The following MYT1L variants were observed in gnomAD, a reference collection of about 807,000 sequenced individuals.
The protein encoded by MYT1L is myelin transcription factor 1 like.
In MYT1L, 12 loss-of-function variants were observed where a neutral mutation model predicts 126.7. The observed-to-expected ratio is 0.09, with a 90% confidence interval of 0.06 to 0.15. The LOEUF is 0.15. MYT1L is among the 10% of genes least tolerant of loss of function. MYT1L has a pLI of 1.00. For missense variants in MYT1L, 979 were observed against 1,585.2 expected (o/e 0.62, Z 6.49); for synonymous variants, 541 against 604.2 (o/e 0.90, Z 1.53).
At chr2:1,971,484 A>T (rs2059804864) in intron 8 of MYT1L, among the ~76,000 whole-genome samples, 1 of 152,204 alleles carries the variant, frequency 6.6e-6, no homozygotes, top group South Asian at 2.1e-4. Context: ...TAATCCCAGC[A>T]CTTTGGGAGG....
Position 2,295,721 on chromosome 2 carries a change from GAGAT to G in MYT1L, c.-520-11222_-520-11219del, listed in dbSNP as rs1377162973. Among the ~76,000 whole-genome samples, 9 of 101,524 alleles carry G rather than the reference GAGAT, an allele frequency of 8.9e-5. No homozygotes were observed. The East Asian group carries it at 1.1e-3, about 12-fold the overall frequency. 66.6% of individuals were successfully genotyped at this position (101,524 alleles called of 152,430 possible). On this transcript the variant is annotated intron_variant, in intron 1 of 24. Transcript: ENST00000647738. ...AGAGAGAGACAGACAGACAGAGAGA[GAGAT>G]AGAGAGACAGACAGACAGAGAGAGA... is the stretch of plus-strand genomic sequence containing the variant.
chr2:2,255,912 C>T (rs979210691), intron 2 of MYT1L, among the ~76,000 whole-genome samples: 25 of 152,184 alleles, frequency 1.6e-4, no homozygotes, highest in Non-Finnish European at 3.5e-4. Flanking sequence ...GAACACCTTA[C>T]CCTTTACTGA....
At chr2:2,046,147 T>TC (rs1206764128) in intron 4 of MYT1L, among the ~76,000 whole-genome samples, 2 of 152,186 alleles carry the variant, frequency 1.3e-5, no homozygotes. Flanking sequence ...AAGCAATTTT[T>TC]CTCCCCCCAG....
At chr2:1,906,693 T>C (rs918312752) in intron 13 of MYT1L, among the ~76,000 whole-genome samples, 5 of 152,172 alleles carry the variant, frequency 3.3e-5, no homozygotes, top group Non-Finnish European at 7.4e-5. Context: ...AATAAAATCA[T>C]GTAATAATTG....
intron 20 of MYT1L, among the ~76,000 whole-genome samples, chr2:1,839,850 T>A (rs749535508): frequency 6.6e-6 from 1 of 152,204 alleles, no homozygotes; most frequent in Non-Finnish European, 1.5e-5. Flanking sequence ...TCTGGAGGCC[T>A]TAAAATGCCC....
At chr2:2,049,959 G>GTGTA (rs570341101) in intron 4 of MYT1L, among the ~76,000 whole-genome samples, 27 of 149,554 alleles carry the variant, frequency 1.8e-4, no homozygotes, top group Admixed American at 1.3e-3. Context: ...GTGTGTGTGT[G>GTGTA]TATATATATA....
intron 8 of MYT1L, among the ~76,000 whole-genome samples, chr2:1,958,691 T>TGGGG (rs550428769): frequency 2.0e-3 from 302 of 152,174 alleles, no homozygotes; most frequent in African/African-American, 6.7e-3. Context: ...CTGTGAGAGG[T>TGGGG]GGGGGCTCAG....
chr2:1,909,214 T>C (rs1338567377), intron 13 of MYT1L, among the ~76,000 whole-genome samples: 2 of 152,192 alleles, frequency 1.3e-5, no homozygotes, highest in East Asian at 3.9e-4. Flanking sequence ...CTTGACCTCC[T>C]GGGCTCAAAT....
Position 1,892,297 on chromosome 2 carries a change from C to G in MYT1L, c.2033-10G>C. 1 of 1,546,378 alleles carries G rather than the reference C, an allele frequency of 6.5e-7. No individual in the cohort carries two copies. The highest frequency in any genetic ancestry group is 1.2e-5 in the South Asian group (1 of 83,848). ...TTGCAGTACCGCTTCGCTGGGGAGA[C>G]AGGGACAGGGATGACTCAGGCCCCG... is the stretch of plus-strand genomic sequence containing the variant. On this transcript the variant is annotated splice_polypyrimidine_tract_variant and intron_variant, in intron 14 of 24. Transcript: ENST00000647738.
chr2:2,013,691 C>A (rs1051131196), intron 4 of MYT1L, among the ~76,000 whole-genome samples: 1 of 152,222 alleles, frequency 6.6e-6, no homozygotes, highest in Non-Finnish European at 1.5e-5. Flanking sequence ...CCAACTCCAT[C>A]TCGCTGGGCT....
chr2:2,170,777 A>G (rs564872668), intron 3 of MYT1L, among the ~76,000 whole-genome samples: 2 of 152,326 alleles, frequency 1.3e-5, no homozygotes, highest in African/African-American at 4.8e-5. Context: ...GAGAACATGG[A>G]TAACAAATCC....
intron 15 of MYT1L, among the ~76,000 whole-genome samples, chr2:1,891,795 C>A (rs997825929): frequency 6.6e-6 from 1 of 152,230 alleles, no homozygotes; most frequent in Admixed American, 6.5e-5. Context: ...CATTCACGCA[C>A]GTTCATCTAC....
In MYT1L at chr2:2,318,748, A is replaced by G. The variant is rs939660669; in HGVS notation, c.-521+12219T>C. 9.2e-5 allele frequency among the ~76,000 whole-genome samples: 14 copies of G among 152,330 alleles called. No individual in the cohort carries two copies. The East Asian group carries it at 2.5e-3, about 27-fold the overall frequency. On this transcript the variant is annotated intron_variant, in intron 1 of 24. Coordinates refer to ENST00000647738, the MANE Select transcript of MYT1L (RefSeq NM_001303052.2). ...ATTGATCTGAAATTTATCTGAGCAA[A>G]TTATTAAGATTTTATTTCCTATTAT...
chr2:2,316,975 C>T lies in MYT1L; in HGVS notation c.-521+13992G>A, dbSNP rs548530857. ...ACAGGCATCCACCACCATGCCCAGCCAATTTTTTTTTTTTTGGATTTTTAA... is the reference window on the plus strand; with the variant it reads ...ACAGGCATCCACCACCATGCCCAGCTAATTTTTTTTTTTTTGGATTTTTAA... On this transcript the variant is annotated intron_variant, in intron 1 of 24. Transcript: ENST00000647738. Among the ~76,000 whole-genome samples, 120 of 142,104 alleles carry T rather than the reference C, an allele frequency of 8.4e-4. 1 individual carries two copies. In the South Asian group the frequency reaches 0.011, roughly 13 times the overall value. The allele number at this position is 142,104 out of a possible 152,430, so 93.2% of individuals were successfully genotyped here.
intron 2 of MYT1L, among the ~76,000 whole-genome samples, chr2:2,189,881 C>T (rs571114950): frequency 3.3e-5 from 5 of 151,072 alleles, no homozygotes; most frequent in African/African-American, 9.7e-5. Context: ...GGGAGAAGCT[C>T]GTTCTCAGGA....
chr2:2,109,805 C>T (rs1294639888), intron 3 of MYT1L, among the ~76,000 whole-genome samples: 3 of 146,734 alleles, frequency 2.0e-5, no homozygotes, highest in Admixed American at 6.8e-5. Flanking sequence ...CATGCACATG[C>T]ACACAAAGAA....
chr2:2,170,264 A>G (rs2089829900), intron 3 of MYT1L, among the ~76,000 whole-genome samples: 1 of 152,226 alleles, frequency 6.6e-6, no homozygotes, highest in South Asian at 2.1e-4. Flanking sequence ...TTAAGTCTTC[A>G]CCATGGGTTG....
chr2:2,056,623 G>A (rs751399477), intron 3 of MYT1L, among the ~76,000 whole-genome samples: 11 of 152,320 alleles, frequency 7.2e-5, no homozygotes, highest in Admixed American at 2.0e-4. Flanking sequence ...CAGTTCTTCA[G>A]GTGCGGTAGG....
chr2:1,858,578 C>T (rs1219669581), intron 18 of MYT1L, among the ~76,000 whole-genome samples: 1 of 152,144 alleles, frequency 6.6e-6, no homozygotes. Flanking sequence ...ACAGGAGCCC[C>T]CTTGGATTTG....
Sources: allele counts gnomAD v4.1 joint callset (sites outside exome capture counted in the v4.1 genomes callset), GRCh38; gene constraint gnomAD v4.1.1; transcripts MANE v1.5; gene names NCBI Gene and HGNC (gene_info 2026-07-23, HGNC 2026-07-21).